BLTP2: variants seen among roughly 807,000 people sequenced by gnomAD.
BLTP2 encodes U937-associated antigen.
At chr17:28,639,271 A>C in the BLTP2 span, 1 of 1,608,056 alleles carries the variant, frequency 6.2e-7, no homozygotes, top group Non-Finnish European at 8.5e-7. Context: ...AGAATCCCAG[A>C]GAATCCAACT....
chr17:28,629,138 G>A, the BLTP2 span, among the ~76,000 whole-genome samples: 1 of 151,866 alleles, frequency 6.6e-6, no homozygotes, highest in Admixed American at 6.6e-5. Flanking sequence ...TGAACTCCTG[G>A]CTTCAAGCAA....
the BLTP2 span, chr17:28,621,390 A>T: frequency 6.2e-7 from 1 of 1,602,598 alleles, no homozygotes; most frequent in Non-Finnish European, 8.5e-7. Flanking sequence ...GAGGAGGGGG[A>T]GGGCTGACCT....
chr17:28,623,898 C>T, the BLTP2 span: 9 of 1,614,060 alleles, frequency 5.6e-6, no homozygotes, highest in African/African-American at 1.3e-5. Context: ...GGTGCTGGCA[C>T]TGCAGCAGTT....
At chr17:28,633,563 G>C in the BLTP2 span, 2 of 1,614,088 alleles carry the variant, frequency 1.2e-6, no homozygotes, top group Non-Finnish European at 1.7e-6. Context: ...GTGGCCAGCT[G>C]GTGCAGGTTC....
At chr17:28,621,330 G>T in the BLTP2 span, 1 of 1,453,554 alleles carries the variant, frequency 6.9e-7, no homozygotes, top group Non-Finnish European at 9.7e-7. Context: ...GAATAGGTAG[G>T]GAAATGAGGT....
the BLTP2 span, among the ~76,000 whole-genome samples, chr17:28,625,089 G>A: frequency 6.6e-6 from 1 of 152,094 alleles, no homozygotes; most frequent in African/African-American, 2.4e-5. Flanking sequence ...TGTAATCCCA[G>A]CACTTTGGGA....
chr17:28,618,345 G>C, the BLTP2 span, among the ~76,000 whole-genome samples: 16 of 151,014 alleles, frequency 1.1e-4, no homozygotes, highest in Non-Finnish European at 1.9e-4. Context: ...TCGAACTCCA[G>C]GGCTCAAGCA....
chr17:28,635,230 T>C, the BLTP2 span: 2 of 1,613,904 alleles, frequency 1.2e-6, no homozygotes, highest in African/African-American at 1.3e-5. Flanking sequence ...CTCCACCTCC[T>C]TGAAGTTGAA....
At chr17:28,633,256 G>A in the BLTP2 span, 4 of 1,602,564 alleles carry the variant, frequency 2.5e-6, no homozygotes, top group Admixed American at 5.0e-5. Context: ...CTCATCCCAT[G>A]GAGGACCCTC....
the BLTP2 span, among the ~76,000 whole-genome samples, chr17:28,636,764 C>G: frequency 6.6e-6 from 1 of 151,876 alleles, no homozygotes; most frequent in Non-Finnish European, 1.5e-5. Flanking sequence ...AGAGGCTGGG[C>G]GTGGTGGCTC....
the BLTP2 span, chr17:28,638,000 T>G: frequency 6.2e-7 from 1 of 1,614,202 alleles, no homozygotes; most frequent in Non-Finnish European, 8.5e-7. Context: ...GGCACAGGTA[T>G]CTGATGCTTC....
chr17:28,615,684 G>A, the BLTP2 span: 2 of 1,614,168 alleles, frequency 1.2e-6, no homozygotes, highest in Non-Finnish European at 1.7e-6. Context: ...AGGGCTTTGC[G>A]GCTGTCCCTT....
chr17:28,645,125 A>C, the BLTP2 span: 1 of 1,353,954 alleles, frequency 7.4e-7, no homozygotes, highest in Non-Finnish European at 9.7e-7. Context: ...GGATCCGCGC[A>C]GCACCGCCGC....
the BLTP2 span, chr17:28,619,011 A>G: frequency 6.4e-7 from 1 of 1,558,322 alleles, no homozygotes; most frequent in Non-Finnish European, 8.8e-7. Context: ...TAAGGGAAAC[A>G]GCACATGGGT....
the BLTP2 span, chr17:28,644,089 C>A: frequency 4.3e-6 from 7 of 1,614,248 alleles, no homozygotes; most frequent in Non-Finnish European, 5.9e-6. Context: ...AAACTTAAGA[C>A]TGACATTCTG....
the BLTP2 span, chr17:28,628,408 G>C: frequency 1.9e-6 from 3 of 1,614,190 alleles, no homozygotes; most frequent in Admixed American, 1.7e-5. Context: ...GGCCTCAGTA[G>C]AAAGATTACG....
the BLTP2 span, chr17:28,635,092 T>A: frequency 1.2e-6 from 2 of 1,613,506 alleles, no homozygotes; most frequent in Non-Finnish European, 1.7e-6. Flanking sequence ...AGAAAAGTCA[T>A]ACTGATAAGG....
At chr17:28,632,995 C>G in the BLTP2 span, 6 of 1,569,344 alleles carry the variant, frequency 3.8e-6, no homozygotes, top group African/African-American at 1.4e-5. Flanking sequence ...GTTCTCCGAG[C>G]GAAAGGCCCG....
chr17:28,643,507 C>T, the BLTP2 span: 1 of 1,393,438 alleles, frequency 7.2e-7, no homozygotes, highest in Middle Eastern at 1.9e-4. Context: ...CAACAACCTC[C>T]CTTCCTCCTT....
Sources: gnomAD v4.1 joint callset for allele counts (sites outside exome capture counted in the v4.1 genomes callset) on GRCh38, gnomAD v4.1.1 for gene constraint, MANE v1.5 for transcripts, NCBI Gene and HGNC (gene_info 2026-07-23, HGNC 2026-07-21) for gene names.